CDK19: variants seen among roughly 807,000 people sequenced by gnomAD.
CDK19 encodes cyclin dependent kinase 19.
CDK19 carries 20 observed loss-of-function variants against 68.3 expected under a neutral mutation model. The ratio of observed to expected loss-of-function variants is 0.29; its 90% CI spans 0.21 to 0.43. The LOEUF is 0.43. CDK19 is among the 20% of genes least tolerant of loss of function. The pLI is 1.00. For missense variants in CDK19, 339 were observed against 623.5 expected (o/e 0.54, Z 4.86); for synonymous variants, 221 against 222.8 (o/e 0.99, Z 0.07).
rs71664467 is a variant in CDK19 at position 110,705,042 on chromosome 6, G to GTT, written c.205-34503_205-34502dup. 2.0e-3 allele frequency among the ~76,000 whole-genome samples: 275 copies of GTT among 140,848 alleles called. 4 individuals carry two copies. The highest frequency in any genetic ancestry group is 0.018 in the South Asian group (77 of 4,398). 92.4% of individuals were successfully genotyped at this position (140,848 alleles called of 152,430 possible). A position where few individuals can be genotyped will look rare whatever the true frequency, so the allele number is the denominator to read the frequency against. On this transcript the variant is annotated intron_variant, in intron 2 of 12. Coordinates refer to ENST00000368911, the MANE Select transcript of CDK19 (RefSeq NM_015076.5). The stretch of plus-strand genomic sequence containing the variant: ...CAGGTTTAAGGTGTGAAGAAATGTA[G>GTT]TTTTTTTTTTTTTTTTGGAGATGGA...
intron 5 of CDK19, among the ~76,000 whole-genome samples, chr6:110,636,595 T>C (rs899824276): frequency 4.6e-5 from 7 of 152,168 alleles, no homozygotes; most frequent in African/African-American, 1.7e-4. Context: ...CTTGATTTGG[T>C]AAAGTAGAGG....
chr6:110,757,084 T>G (rs1778887799), intron 1 of CDK19, among the ~76,000 whole-genome samples: 1 of 152,184 alleles, frequency 6.6e-6, no homozygotes, highest in African/African-American at 2.4e-5. Flanking sequence ...ATGCTATTAT[T>G]TCTACTCTGG....
chr6:110,633,142 C>A (rs1264719244), intron 5 of CDK19, among the ~76,000 whole-genome samples: 1 of 152,120 alleles, frequency 6.6e-6, no homozygotes. Flanking sequence ...TCACTTGAAC[C>A]CAGGAGGCAG....
intron 2 of CDK19, among the ~76,000 whole-genome samples, chr6:110,713,548 T>C (rs1350468115): frequency 6.6e-6 from 1 of 150,658 alleles, no homozygotes; most frequent in Admixed American, 6.6e-5. Context: ...CTAGGACTAC[T>C]ACCACACCCA....
At chr6:110,712,755 T>C (rs1002449408) in intron 2 of CDK19, among the ~76,000 whole-genome samples, 6 of 151,840 alleles carry the variant, frequency 4.0e-5, no homozygotes, top group Non-Finnish European at 7.4e-5. Flanking sequence ...ATTAAAGGAG[T>C]AGGTTAGCTA....
intron 3 of CDK19, among the ~76,000 whole-genome samples, chr6:110,669,897 C>T (rs1770855086): frequency 6.6e-6 from 1 of 152,036 alleles, no homozygotes; most frequent in Admixed American, 6.6e-5. Context: ...GTGGCTCACG[C>T]CTGTAATTCC....
At chr6:110,746,344 A>G (rs1209227190) in intron 1 of CDK19, 143 bp from the exon 2 acceptor site, 3 of 480,116 alleles carry the variant, frequency 6.2e-6, no homozygotes, top group Non-Finnish European at 1.1e-5. Context: ...ATTATTTTTG[A>G]TAATATTTCA....
At chr6:110,732,655 TTTATA>T (rs1776849493) in intron 2 of CDK19, among the ~76,000 whole-genome samples, 1 of 152,224 alleles carries the variant, frequency 6.6e-6, no homozygotes, top group Admixed American at 6.6e-5. Flanking sequence ...TTTTGTATTT[TTTATA>T]TTACTAGTAT....
At chr6:110,643,962 A>G (rs1443812652) in intron 4 of CDK19, among the ~76,000 whole-genome samples, 2 of 152,052 alleles carry the variant, frequency 1.3e-5, no homozygotes, top group Admixed American at 6.5e-5. Flanking sequence ...AAGTTAATTT[A>G]ATTTAATTAA....
chr6:110,723,315 T>C (rs964062675), intron 2 of CDK19, among the ~76,000 whole-genome samples: 1 of 152,096 alleles, frequency 6.6e-6, no homozygotes, highest in Admixed American at 6.6e-5. Context: ...AGGAGTCAAG[T>C]GTGTCAATCT....
rs568677460 is a variant in CDK19 at position 110,804,029 on chromosome 6, C to T, written c.128+10980G>A. Among the ~76,000 whole-genome samples, 10 of 152,154 alleles carry T rather than the reference C, an allele frequency of 6.6e-5. No individual in the cohort carries two copies. The South Asian group carries it at 8.3e-4, about 13-fold the overall frequency. The stretch of plus-strand genomic sequence containing the variant: ...AAAGAAAAGAAAAGAGAGAAAGGGA[C>T]GGAGGGAGGGAGTTTTCCAGAAACC... On this transcript the variant is annotated intron_variant, in intron 1 of 12. Transcript: ENST00000368911.
intron 1 of CDK19, among the ~76,000 whole-genome samples, chr6:110,749,915 G>C (rs892220349): frequency 1.4e-5 from 2 of 142,380 alleles, no homozygotes; most frequent in African/African-American, 5.2e-5. Flanking sequence ...GGGACTACAG[G>C]TGCCCGCCAC....
chr6:110,795,833 C>T (rs1379781313), intron 1 of CDK19, among the ~76,000 whole-genome samples: 1 of 151,820 alleles, frequency 6.6e-6, no homozygotes, highest in East Asian at 1.9e-4. Context: ...CACTAAAAAT[C>T]AAGTTCTTAA....
intron 4 of CDK19, among the ~76,000 whole-genome samples, chr6:110,646,762 G>A (rs1780618291): frequency 1.3e-5 from 2 of 152,080 alleles, no homozygotes; most frequent in Non-Finnish European, 2.9e-5. Context: ...ACTGCGCACG[G>A]TTGAGTTCTG....
chr6:110,719,994 C>T (rs1170214903), intron 2 of CDK19, among the ~76,000 whole-genome samples: 2 of 126,804 alleles, frequency 1.6e-5, no homozygotes, highest in Admixed American at 8.0e-5. Flanking sequence ...CCACCCCCCC[C>T]CTGCTTCGGC....
intron 4 of CDK19, among the ~76,000 whole-genome samples, chr6:110,641,370 G>A (rs1213915352): frequency 1.3e-5 from 2 of 152,048 alleles, no homozygotes; most frequent in African/African-American, 2.4e-5. Flanking sequence ...GCCGAGGTAC[G>A]TGGATCACCT....
chr6:110,686,400 C>T (rs565822296), intron 2 of CDK19, among the ~76,000 whole-genome samples: 30 of 152,274 alleles, frequency 2.0e-4, no homozygotes, highest in African/African-American at 6.7e-4. Flanking sequence ...AATACACAGA[C>T]GCTAAAAGAA....
Position 110,783,634 on chromosome 6 carries a change from T to C in CDK19, c.128+31375A>G, listed in dbSNP as rs868409131. 3.4e-4 allele frequency among the ~76,000 whole-genome samples: 50 copies of C among 145,260 alleles called. No individual in the cohort carries two copies. In the Middle Eastern group the frequency reaches 0.01, roughly 30 times the overall value. Reference sequence around the variant, plus strand: ...GCCTGGGTGACAGAGTGAGATTCTGTCTCAAAAAAAAAAAAGAAAAAAAAA... The same window carrying C: ...GCCTGGGTGACAGAGTGAGATTCTGCCTCAAAAAAAAAAAAGAAAAAAAAA... On this transcript the variant is annotated intron_variant, in intron 1 of 12. Coordinates refer to ENST00000368911, the MANE Select transcript of CDK19 (RefSeq NM_015076.5).
At chr6:110,803,893 C>T (rs749571738) in intron 1 of CDK19, among the ~76,000 whole-genome samples, 3 of 152,134 alleles carry the variant, frequency 2.0e-5, no homozygotes, top group Non-Finnish European at 4.4e-5. Context: ...CATTTGAGCA[C>T]AGGAAGTCCA....
Sources: allele counts gnomAD v4.1 joint callset (sites outside exome capture counted in the v4.1 genomes callset), GRCh38; gene constraint gnomAD v4.1.1; transcripts MANE v1.5; gene names NCBI Gene and HGNC (gene_info 2026-07-23, HGNC 2026-07-21).